ATAD5: variants seen among roughly 807,000 people sequenced by gnomAD.
ATAD5 encodes ATPase family AAA domain containing 5.
Under a neutral mutation model 176.9 loss-of-function variants are expected in ATAD5, and 58 were observed. The observed-to-expected ratio is 0.33, with a 90% CI of 0.27 to 0.41. The LOEUF is 0.41. Among genes scored for constraint, ATAD5 ranks in the 10% least tolerant of loss-of-function variants. ATAD5 has a pLI of 1.00. For missense variants in ATAD5, 1,789 were observed against 2,094.1 expected, an observed-to-expected ratio of 0.85 and a Z score of 2.84; for synonymous variants, 640 against 712.6, an observed-to-expected ratio of 0.90 and a Z score of 1.62.
chr17:30,883,378 C>T (rs1453729008), intron 18 of ATAD5, among the ~76,000 whole-genome samples: 1 of 152,100 alleles, frequency 6.6e-6, no homozygotes, highest in Non-Finnish European at 1.5e-5. Context: ...ACTCCTGCCT[C>T]AGCCTCCCGA....
Position 30,894,930 on chromosome 17 carries a change from T to A in ATAD5, c.*17T>A. 6.5e-7 allele frequency: 1 copy of A among 1,536,774 alleles called. No homozygotes were observed. The highest frequency in any genetic ancestry group is 8.8e-7 in the Non-Finnish European group (1 of 1,133,786). ...TTCCCTTAATGTTCCATACTAACAA[T>A]GCTTTGTATAGATTATCATGTGGTC... is the stretch of plus-strand genomic sequence containing the variant. On this transcript the variant is annotated 3_prime_UTR_variant, in exon 23 of 23. Transcript: ENST00000321990.
chr17:30,893,388 A>G lies in ATAD5; in HGVS notation c.4535A>G (p.Glu1512Gly), dbSNP rs1304494584. The G allele has an allele frequency of 2.5e-6, 4 of 1,610,626 alleles. No individual in the cohort carries two copies. The highest frequency in any genetic ancestry group is 3.4e-6 in the Non-Finnish European group (4 of 1,178,818). ...GTAGATTTTTTATATAGTAATCTTG[A>G]GTTTATTCTACCATTACCAGTTGAT... ...RNVDFLYSNL[E>G]FILPLPVDTI... Residue 1512 changes from glutamate to glycine, a missense_variant, in exon 21 of 23, where the codon GAG becomes GGG. By Grantham distance (98) the Glu-to-Gly change is moderately conservative (BLOSUM62 -2). Around this residue, in one of 6 missense-constraint regions of ATAD5, gnomAD observed 403 missense variants for 495.1 expected, o/e 0.81. Transcript: ENST00000321990.
intron 6 of ATAD5, among the ~76,000 whole-genome samples, chr17:30,854,376 T>C (rs1377832053): frequency 9.1e-6 from 1 of 109,310 alleles, no homozygotes; most frequent in Non-Finnish European, 2.0e-5. Flanking sequence ...TAAATTTTTT[T>C]TTTTTTTTTT....
intron 14 of ATAD5, among the ~76,000 whole-genome samples, chr17:30,872,852 A>G (rs1474751756): frequency 6.6e-6 from 1 of 152,062 alleles, no homozygotes; most frequent in Non-Finnish European, 1.5e-5. Context: ...TACTGCACCC[A>G]GCCAACCTCC....
At position 30,837,373 on chromosome 17, in the gene ATAD5, A is replaced by G. The variant is rs182933996; in HGVS notation, c.2076+59A>G. ...ATTCTGTTTCCTTAAAAAACAAACA[A>G]AAAACCCCCACATTACTATGGGAAG... On this transcript the variant is annotated intron_variant, in intron 3 of 22. Transcript: ENST00000321990. 1,080 of 1,143,736 alleles carry G rather than the reference A, an allele frequency of 9.4e-4. 2 individuals are homozygous for G. Among genetic ancestry groups the G allele is most frequent in the Non-Finnish European group, 1.3e-3 (1,009 of 803,630 alleles). 70.8% of individuals were successfully genotyped at this position (1,143,736 alleles called of 1,614,324 possible). A position where few individuals can be genotyped will look rare whatever the true frequency, so the allele number is the denominator to read the frequency against.
chr17:30,890,418 C>CTTTTTT (rs968126768), intron 19 of ATAD5, among the ~76,000 whole-genome samples: 1,137 of 106,496 alleles, frequency 0.011, 2 homozygotes, highest in Non-Finnish European at 0.015. Flanking sequence ...CTCTTCTTTT[C>CTTTTTT]TTTTTTTTTT....
intron 2 of ATAD5, 28 bp downstream of exon 2, chr17:30,836,076 T>C: frequency 6.6e-7 from 1 of 1,525,842 alleles, no homozygotes; most frequent in African/African-American, 1.4e-5. Context: ...TCTAACGTTC[T>C]AGTATTCTGC....
chr17:30,833,056 A>G (rs1905479490), intron 1 of ATAD5, among the ~76,000 whole-genome samples: 1 of 152,234 alleles, frequency 6.6e-6, no homozygotes, highest in Non-Finnish European at 1.5e-5. Context: ...TTTTCATCTC[A>G]GACTAGCATT....
At chr17:30,843,759 G>T (rs542367825) in intron 4 of ATAD5, among the ~76,000 whole-genome samples, 154 bp from the exon 5 acceptor site, 2 of 152,174 alleles carry the variant, frequency 1.3e-5, no homozygotes, top group South Asian at 4.1e-4. Context: ...CTATTCTATT[G>T]TGTGTTTTCT....
intron 3 of ATAD5, among the ~76,000 whole-genome samples, chr17:30,837,999 A>G (rs11654331): frequency 0.13 from 20,335 of 152,178 alleles, 1,510 homozygotes; most frequent in South Asian, 0.24. Context: ...ATAATTCTTT[A>G]CTGTGGAGGG....
At chr17:30,868,679 G>A (rs1297674136) in intron 12 of ATAD5, among the ~76,000 whole-genome samples, 3 of 151,096 alleles carry the variant, frequency 2.0e-5, no homozygotes, top group Non-Finnish European at 4.4e-5. Context: ...ACTAATTTTT[G>A]TATTTTTAGT....
At chr17:30,886,035 G>C (rs1909305175) in intron 18 of ATAD5, among the ~76,000 whole-genome samples, 1 of 151,922 alleles carries the variant, frequency 6.6e-6, no homozygotes, top group South Asian at 2.1e-4. Context: ...GAATTATACT[G>C]ACTGATTTTC....
At chr17:30,869,742 T>C in intron 14 of ATAD5, 96 bp downstream of exon 14, 2 of 1,367,982 alleles carry the variant, frequency 1.5e-6, no homozygotes, top group Non-Finnish European at 2.0e-6. Context: ...TTATTTTTTA[T>C]CTTCTACACG....
chr17:30,869,157 A>G (rs933937378), intron 12 of ATAD5, 91 bp from the exon 13 acceptor site: 1 of 1,436,266 alleles, frequency 7.0e-7, no homozygotes, highest in Non-Finnish European at 9.5e-7. Flanking sequence ...ATCTATTGCA[A>G]GAAGTTTGTG....
chr17:30,850,259 A>G (rs531498363), intron 6 of ATAD5, among the ~76,000 whole-genome samples: 1 of 152,000 alleles, frequency 6.6e-6, no homozygotes, highest in African/African-American at 2.4e-5. Flanking sequence ...CTATCTAGCT[A>G]TACTTTTATA....
Position 30,893,620 on chromosome 17 carries a change from T to C in ATAD5, c.4767T>C (p.Ser1589=), listed in dbSNP as rs1451081074. Residue 1589 remains serine (S), a synonymous_variant, in exon 21 of 23, where the codon TCT becomes TCC. Transcript: ENST00000321990. ...CTGACTTGGACTTTCCTGATCAATCTATTAGCCTGTCCTCTGTATCATCTT... is the reference window on the plus strand; with the variant it reads ...CTGACTTGGACTTTCCTGATCAATCCATTAGCCTGTCCTCTGTATCATCTT... ...FDTDLDFPDQ[S]ISLSSVSSSS... is the part of the protein sequence containing the mutation. 1.2e-6 allele frequency: 2 copies of C among 1,613,984 alleles called. No individual in the cohort carries two copies. The highest frequency in any genetic ancestry group is 3.3e-5 in the Admixed American group (2 of 59,994).
intron 14 of ATAD5, among the ~76,000 whole-genome samples, chr17:30,873,391 C>T (rs1231222039): frequency 6.7e-6 from 1 of 149,124 alleles, no homozygotes; most frequent in Non-Finnish European, 1.5e-5. Flanking sequence ...GATCTTGGCT[C>T]ACTGCAACCT....
chr17:30,859,441 C>T (rs1303664763), intron 9 of ATAD5, among the ~76,000 whole-genome samples: 1 of 152,092 alleles, frequency 6.6e-6, no homozygotes, highest in Non-Finnish European at 1.5e-5. Context: ...CTCAGTGCAA[C>T]CTCTGCCTCC....
At chr17:30,845,858 T>A (rs2142330570) in intron 6 of ATAD5, among the ~76,000 whole-genome samples, 1 of 152,242 alleles carries the variant, frequency 6.6e-6, no homozygotes, top group South Asian at 2.1e-4. Flanking sequence ...AATCCCTCGA[T>A]GATTAATGAG....
Sources: allele counts gnomAD v4.1 joint callset (sites outside exome capture counted in the v4.1 genomes callset), GRCh38; gene constraint gnomAD v4.1.1; regional missense constraint gnomAD v4.1.1; transcripts MANE v1.5; gene names NCBI Gene and HGNC (gene_info 2026-07-23, HGNC 2026-07-21).